LSAMP: variants seen among roughly 807,000 people sequenced by gnomAD.
LSAMP encodes the protein limbic system-associated membrane protein.
In LSAMP, 7 loss-of-function variants were observed where a neutral mutation model predicts 38.6. The observed-to-expected ratio is 0.18, with a 90% CI of 0.10 to 0.34. The LOEUF is 0.34. Ranked by LOEUF, LSAMP falls within the 10% of genes least tolerant of loss-of-function variation. LSAMP has a pLI of 1.00. For missense variants in LSAMP, 313 were observed against 420.0 expected (o/e 0.75, Z 2.23); for synonymous variants, 154 against 166.8 (o/e 0.92, Z 0.59).
At chr3:116,113,567 A>T (rs1345763401) in intron 1 of LSAMP, among the ~76,000 whole-genome samples, 8 of 148,906 alleles carry the variant, frequency 5.4e-5, no homozygotes. Context: ...CTGGGACTAC[A>T]GGCGCCCGCC....
At chr3:116,404,407 T>C (rs2048876511) in intron 1 of LSAMP, among the ~76,000 whole-genome samples, 2 of 152,176 alleles carry the variant, frequency 1.3e-5, no homozygotes, top group Non-Finnish European at 2.9e-5. Context: ...CTTAAATAGA[T>C]AGTTATAGTA....
chr3:116,267,767 C>CCAATATTTCTTCTACCTAT (rs1311893758), intron 1 of LSAMP, among the ~76,000 whole-genome samples: 4 of 152,008 alleles, frequency 2.6e-5, no homozygotes, highest in African/African-American at 9.7e-5. Flanking sequence ...AGTATTCTCC[C>CCAATATTTCTTCTACCTAT]CAATATTTCT....
chr3:115,842,323 G>A, intron 5 of LSAMP, 135 bp downstream of exon 5: 1 of 1,215,412 alleles, frequency 8.2e-7, no homozygotes, highest in Non-Finnish European at 1.1e-6. Flanking sequence ...TTTGATAAGA[G>A]ATACTAAAAA....
chr3:115,984,223 G>GA (rs112437748), intron 3 of LSAMP, among the ~76,000 whole-genome samples: 25 of 148,172 alleles, frequency 1.7e-4, no homozygotes, highest in East Asian at 2.0e-4. Flanking sequence ...TATTCACAAA[G>GA]AAAAAAAAAA....
Position 116,229,802 on chromosome 3 carries a change from T to C in LSAMP, c.156-143246A>G, listed in dbSNP as rs571077226. On this transcript the variant is annotated intron_variant, in intron 1 of 6. Coordinates refer to ENST00000490035, the MANE Select transcript of LSAMP (RefSeq NM_002338.5). ...GTCTTCAGGAGTCATTAGGCCAGATTTTCTTTTTCCCTAAATAATTTCAGA... is the reference window on the plus strand; with the variant it reads ...GTCTTCAGGAGTCATTAGGCCAGATCTTCTTTTTCCCTAAATAATTTCAGA... 5.6e-4 allele frequency among the ~76,000 whole-genome samples: 85 copies of C among 152,232 alleles called. No homozygotes were observed. In the South Asian group the frequency reaches 0.017, roughly 30 times the overall value.
chr3:115,950,907 C>T (rs542177006), intron 3 of LSAMP, among the ~76,000 whole-genome samples: 1 of 148,154 alleles, frequency 6.7e-6, no homozygotes, highest in Non-Finnish European at 1.5e-5. Context: ...AGTATTAAAA[C>T]AGGCATATAG....
intron 2 of LSAMP, among the ~76,000 whole-genome samples, chr3:116,080,699 A>G (rs944703973): frequency 6.6e-6 from 1 of 152,252 alleles, no homozygotes; most frequent in Non-Finnish European, 1.5e-5. Flanking sequence ...GCCAATCAAG[A>G]GGCTATTGTC....
chr3:116,053,612 G>A (rs1385345752), intron 2 of LSAMP, among the ~76,000 whole-genome samples: 1 of 152,190 alleles, frequency 6.6e-6, no homozygotes, highest in Non-Finnish European at 1.5e-5. Context: ...GTTCAAAGGT[G>A]GCAAACTTAA....
At chr3:115,935,379 A>C (rs1937665878) in intron 3 of LSAMP, among the ~76,000 whole-genome samples, 1 of 152,132 alleles carries the variant, frequency 6.6e-6, no homozygotes, top group African/African-American at 2.4e-5. Flanking sequence ...GAGGCTCTTG[A>C]GAGAGTCAAG....
intron 1 of LSAMP, among the ~76,000 whole-genome samples, chr3:116,146,928 A>T (rs1709503678): frequency 6.6e-6 from 1 of 151,938 alleles, no homozygotes; most frequent in South Asian, 2.1e-4. Context: ...TCAGAAATAT[A>T]GTTGGTTATA....
chr3:116,349,631 C>G (rs1206776708), intron 1 of LSAMP, among the ~76,000 whole-genome samples: 2 of 151,708 alleles, frequency 1.3e-5, no homozygotes. Flanking sequence ...AATATTGACC[C>G]TCACAAAATA....
At chr3:116,206,837 T>A (rs2046076416) in intron 1 of LSAMP, among the ~76,000 whole-genome samples, 1 of 151,376 alleles carries the variant, frequency 6.6e-6, no homozygotes, top group Admixed American at 6.6e-5. Flanking sequence ...TGTGGTCAAT[T>A]TTGGAATAGG....
intron 2 of LSAMP, among the ~76,000 whole-genome samples, chr3:116,024,975 G>A (rs1016361180): frequency 2.6e-5 from 4 of 151,894 alleles, no homozygotes; most frequent in African/African-American, 9.7e-5. Flanking sequence ...CTGAAAAAGT[G>A]GTAGAGATGG....
In LSAMP at chr3:115,850,993, G is replaced by A. The variant is rs142062453; in HGVS notation, c.649+1490C>T. 2.9e-4 allele frequency among the ~76,000 whole-genome samples: 44 copies of A among 151,948 alleles called. No individual in the cohort carries two copies. The East Asian group carries it at 8.5e-3, about 29-fold the overall frequency. ...TCTCTCTCTCTCTTTTTTATTTTGAGACAGAGTTTCACTCTTGTTGCCCAT... is the reference window on the plus strand; with the variant it reads ...TCTCTCTCTCTCTTTTTTATTTTGAAACAGAGTTTCACTCTTGTTGCCCAT... On this transcript the variant is annotated intron_variant, in intron 4 of 6. Coordinates refer to ENST00000490035, the MANE Select transcript of LSAMP (RefSeq NM_002338.5).
At chr3:116,437,984 T>C (rs1167758733) in intron 1 of LSAMP, among the ~76,000 whole-genome samples, 1 of 150,154 alleles carries the variant, frequency 6.7e-6, no homozygotes, top group Non-Finnish European at 1.5e-5. Flanking sequence ...ATTAACAAAA[T>C]CTGAAGTAAA....
chr3:115,858,594 ATTCC>A (rs908942368), intron 3 of LSAMP, among the ~76,000 whole-genome samples: 7 of 152,176 alleles, frequency 4.6e-5, no homozygotes, highest in African/African-American at 1.7e-4. Context: ...TGGGGTTGCT[ATTCC>A]TTTTACTCAC....
chr3:116,305,370 C>A (rs547996386), intron 1 of LSAMP, among the ~76,000 whole-genome samples: 8 of 152,150 alleles, frequency 5.3e-5, no homozygotes, highest in Admixed American at 1.3e-4. Flanking sequence ...TCTATCCCAA[C>A]TTAGTTCATC....
intron 3 of LSAMP, among the ~76,000 whole-genome samples, chr3:116,014,072 A>C (rs1488055592): frequency 6.6e-6 from 1 of 152,152 alleles, no homozygotes; most frequent in African/African-American, 2.4e-5. Flanking sequence ...TCATGCAATT[A>C]CAGATGTCCT....
At chr3:116,429,622 G>A (rs960506295) in intron 1 of LSAMP, among the ~76,000 whole-genome samples, 2 of 152,140 alleles carry the variant, frequency 1.3e-5, no homozygotes, top group African/African-American at 4.8e-5. Flanking sequence ...ACATTCTACT[G>A]AGATCATCTC....
Sources: allele counts gnomAD v4.1 joint callset (sites outside exome capture counted in the v4.1 genomes callset), GRCh38; gene constraint gnomAD v4.1.1; transcripts MANE v1.5; gene names NCBI Gene and HGNC (gene_info 2026-07-23, HGNC 2026-07-21).